Variants in TXNDC16 observed in about 807,000 individuals in gnomAD.
The protein encoded by TXNDC16 is thioredoxin domain-containing protein 16.
TXNDC16 carries 74 observed loss-of-function variants against 85.6 expected under a neutral mutation model. That is an observed-to-expected ratio of 0.86 (90% CI 0.72 to 1.05). TXNDC16 has a LOEUF of 1.05. Among genes scored for constraint, TXNDC16 ranks in the 50% least tolerant of loss-of-function variants. The probability of loss-of-function intolerance (pLI) is 0.00; values close to 1 mark genes in which losing one functional copy is unlikely to be tolerated. For missense variants in TXNDC16, 959 were observed against 947.0 expected (o/e 1.01, Z -0.17); for synonymous variants, 335 against 326.5 (o/e 1.03, Z -0.28).
intron 6 of TXNDC16, among the ~76,000 whole-genome samples, chr14:52,523,201 G>A (rs919450270): frequency 1.3e-5 from 2 of 152,132 alleles, no homozygotes; most frequent in Non-Finnish European, 2.9e-5. Context: ...CTGTTGATGG[G>A]GTAAAACAGC....
At chr14:52,502,529 C>G (rs2036683272) in intron 9 of TXNDC16, among the ~76,000 whole-genome samples, 1 of 152,196 alleles carries the variant, frequency 6.6e-6, no homozygotes, top group Admixed American at 6.5e-5. Context: ...CCACACTTAA[C>G]TGAAGTCATT....
rs2035868849 is a variant in TXNDC16, at chr14:52,470,064, C to A, written c.1591G>T (p.Gly531Ter). 6.2e-7 allele frequency: 1 copy of A among 1,610,862 alleles called. No individual in the cohort carries two copies. Among genetic ancestry groups the A allele is most frequent in the Non-Finnish European group, 8.5e-7 (1 of 1,178,688 alleles). The change falls in exon 16 of 21, where the codon GGA becomes TGA. Residue 531 changes from glycine (G) to a stop codon, truncating the protein, a stop_gained. Coordinates refer to ENST00000281741, the MANE Select transcript of TXNDC16 (RefSeq NM_020784.3). LOFTEE classifies it high-confidence loss of function. ...LILYSSVSVL[G>*]LFSPTMKTAK... ...GTTTTCATGGTTGGACTAAATAGTCCCAATACTGACACACTAGAATACAAG... is the reference window on the plus strand; with the variant it reads ...GTTTTCATGGTTGGACTAAATAGTCACAATACTGACACACTAGAATACAAG...
chr14:52,445,705 C>T (rs1277183887), intron 18 of TXNDC16, among the ~76,000 whole-genome samples: 1 of 152,088 alleles, frequency 6.6e-6, no homozygotes, highest in African/African-American at 2.4e-5. Flanking sequence ...TTTAGATTCA[C>T]AAATATTTAC....
chr14:52,539,553 C>T (rs1423977273), intron 4 of TXNDC16, among the ~76,000 whole-genome samples: 3 of 152,174 alleles, frequency 2.0e-5, no homozygotes, highest in African/African-American at 4.8e-5. Context: ...TATCCTGATA[C>T]ATCTGGCTAC....
At chr14:52,460,188 A>G (rs945557775) in intron 16 of TXNDC16, among the ~76,000 whole-genome samples, 1 of 152,210 alleles carries the variant, frequency 6.6e-6, no homozygotes, top group Non-Finnish European at 1.5e-5. Flanking sequence ...CAGCCTGGGT[A>G]ACACGGCTAA....
intron 9 of TXNDC16, 59 bp downstream of exon 9, chr14:52,511,181 A>G (rs1371125383): frequency 1.5e-6 from 2 of 1,353,624 alleles, no homozygotes; most frequent in Non-Finnish European, 9.7e-7. Flanking sequence ...TAAGACACAT[A>G]CCTTTTGCAA....
chr14:52,494,309 A>C (rs1482068277), intron 9 of TXNDC16, among the ~76,000 whole-genome samples: 1 of 152,098 alleles, frequency 6.6e-6, no homozygotes, highest in Non-Finnish European at 1.5e-5. Context: ...ATTACATAGA[A>C]GTCTGCTGTA....
At chr14:52,475,873 C>A (rs985173206) in intron 14 of TXNDC16, among the ~76,000 whole-genome samples, 1 of 152,154 alleles carries the variant, frequency 6.6e-6, no homozygotes, top group Non-Finnish European at 1.5e-5. Context: ...GGTAAACCAG[C>A]ACAAAAATAG....
intron 1 of TXNDC16, among the ~76,000 whole-genome samples, chr14:52,548,145 C>G (rs79139786): frequency 0.086 from 13,135 of 152,280 alleles, 628 homozygotes; most frequent in East Asian, 0.14. Flanking sequence ...AAGCTCCCAA[C>G]TGATCCAGTG....
At position 52,480,744 on chromosome 14, in the gene TXNDC16, C is replaced by T. The variant is rs552502367; in HGVS notation, c.1312+1486G>A. Among the ~76,000 whole-genome samples, 9 of 152,016 alleles carry T rather than the reference C, an allele frequency of 5.9e-5. No individual in the cohort carries two copies. In the East Asian group the frequency reaches 1.7e-3, roughly 29 times the overall value. Reference sequence around the variant, plus strand: ...TGGTGGGAATGTAAACTAGTACAACCACTGTGGAAAACAGTGTGGAGATTC... The same window carrying T: ...TGGTGGGAATGTAAACTAGTACAACTACTGTGGAAAACAGTGTGGAGATTC... On this transcript the variant is annotated intron_variant, in intron 14 of 20. Coordinates refer to ENST00000281741, the MANE Select transcript of TXNDC16 (RefSeq NM_020784.3).
chr14:52,461,967 A>T (rs2035662005), intron 16 of TXNDC16, among the ~76,000 whole-genome samples: 1 of 152,266 alleles, frequency 6.6e-6, no homozygotes, highest in Non-Finnish European at 1.5e-5. Context: ...AAGACAGCAT[A>T]AACCTGTCTG....
At chr14:52,482,203 A>G in intron 14 of TXNDC16, 27 bp downstream of exon 14, 1 of 1,568,410 alleles carries the variant, frequency 6.4e-7, no homozygotes, top group Non-Finnish European at 8.7e-7. Flanking sequence ...AATCAGAATA[A>G]TAAGCATGCA....
intron 9 of TXNDC16, among the ~76,000 whole-genome samples, chr14:52,504,976 G>T (rs1243498940): frequency 6.6e-6 from 1 of 152,152 alleles, no homozygotes; most frequent in Non-Finnish European, 1.5e-5. Flanking sequence ...GACAAAGAAG[G>T]CCATTACATA....
At chr14:52,461,762 G>A (rs991633080) in intron 16 of TXNDC16, among the ~76,000 whole-genome samples, 7 of 152,222 alleles carry the variant, frequency 4.6e-5, no homozygotes, top group Non-Finnish European at 8.8e-5. Flanking sequence ...AAGCATTGAC[G>A]ACATGCCTCC....
At chr14:52,546,368 C>A (rs1241239267) in intron 1 of TXNDC16, among the ~76,000 whole-genome samples, 1 of 152,130 alleles carries the variant, frequency 6.6e-6, no homozygotes, top group Non-Finnish European at 1.5e-5. Flanking sequence ...CAGAGAAATG[C>A]GGCCTTGTTA....
intron 6 of TXNDC16, among the ~76,000 whole-genome samples, chr14:52,524,778 G>GC (rs1330890852): frequency 1.3e-5 from 2 of 151,906 alleles, no homozygotes; most frequent in Non-Finnish European, 2.9e-5. Context: ...TACAGTGTGC[G>GC]CCACCTCACC....
At position 52,546,014 on chromosome 14, in the gene TXNDC16, G is replaced by A. The variant is rs560440182; in HGVS notation, c.-181-1643C>T. ...TGAAAAACAATACTTGGCCAGCCAC[G>A]GTGGCTCACGCTTACAATTCCAGCC... On this transcript the variant is annotated intron_variant, in intron 1 of 20. Transcript: ENST00000281741. 7.2e-5 allele frequency among the ~76,000 whole-genome samples: 11 copies of A among 152,084 alleles called. No homozygotes were observed. The South Asian group carries it at 1.5e-3, about 20-fold the overall frequency.
chr14:52,530,291 T>A (rs1257604780), intron 6 of TXNDC16, among the ~76,000 whole-genome samples: 3 of 51,724 alleles, frequency 5.8e-5, no homozygotes, highest in African/African-American at 9.4e-5. Context: ...ATATAATTAT[T>A]ATATATAATA....
chr14:52,522,889 A>G (rs1325673776), intron 6 of TXNDC16, among the ~76,000 whole-genome samples: 2 of 152,164 alleles, frequency 1.3e-5, no homozygotes, highest in Non-Finnish European at 2.9e-5. Context: ...CAGAACTATC[A>G]TTAACCCCAT....
Sources: allele counts gnomAD v4.1 joint callset (sites outside exome capture counted in the v4.1 genomes callset), GRCh38; gene constraint gnomAD v4.1.1; transcripts MANE v1.5; gene names NCBI Gene and HGNC (gene_info 2026-07-23, HGNC 2026-07-21).